Variants in PHLPP1 observed in about 807,000 individuals in gnomAD.
The protein encoded by PHLPP1 is PH domain and leucine rich repeat protein phosphatase 1, also known as PH domain leucine-rich repeat-containing protein phosphatase 1.
Under a neutral mutation model 117.2 loss-of-function variants are expected in PHLPP1, and 42 were observed. The observed-to-expected ratio is 0.36, with a 90% CI of 0.28 to 0.46. The LOEUF (loss-of-function observed/expected upper bound fraction) is 0.46. PHLPP1 is among the 20% of genes least tolerant of loss of function. The pLI is 1.00. For missense variants in PHLPP1, 2,084 were observed against 2,241.9 expected (o/e 0.93, Z 1.42); for synonymous variants, 1,042 against 970.7 (o/e 1.07, Z -1.37).
At chr18:62,831,151 G>A (rs2144332418) in intron 2 of PHLPP1, among the ~76,000 whole-genome samples, 1 of 152,042 alleles carries the variant, frequency 6.6e-6, no homozygotes, top group South Asian at 2.1e-4. Flanking sequence ...AGATTACTTG[G>A]GGAAATGTTA....
At chr18:62,842,758 A>G (rs1915086040) in intron 3 of PHLPP1, among the ~76,000 whole-genome samples, 1 of 152,220 alleles carries the variant, frequency 6.6e-6, no homozygotes, top group African/African-American at 2.4e-5. Flanking sequence ...ACAGTTGGTG[A>G]ATTAAGGACA....
intron 4 of PHLPP1, among the ~76,000 whole-genome samples, chr18:62,893,643 G>T (rs377440042): frequency 6.6e-6 from 1 of 152,150 alleles, no homozygotes; most frequent in Non-Finnish European, 1.5e-5. Context: ...TAGAGTGTGT[G>T]TGTCTCTTCT....
rs537283352 is a variant in PHLPP1 at position 62,818,360 on chromosome 18, G to A, written c.1577-11675G>A. ...AACCTGGTCAACATGGCGAAACCCC[G>A]TCTCTACTAAAAAATATAAAAATTA... On this transcript the variant is annotated intron_variant, in intron 1 of 16. Coordinates refer to ENST00000262719, the MANE Select transcript of PHLPP1 (RefSeq NM_194449.4). Among the ~76,000 whole-genome samples, 178 of 152,008 alleles carry A rather than the reference G, an allele frequency of 1.2e-3. 1 individual carries two copies. The highest frequency in any genetic ancestry group is 4.1e-3 in the African/African-American group (170 of 41,494).
chr18:62,893,072 C>T (rs1226990577), intron 4 of PHLPP1, among the ~76,000 whole-genome samples: 9 of 149,630 alleles, frequency 6.0e-5, no homozygotes, highest in Admixed American at 1.3e-4. Context: ...GGCAGAGTCT[C>T]GCTCTATCGC....
At chr18:62,830,471 T>C (rs1333662149) in intron 2 of PHLPP1, among the ~76,000 whole-genome samples, 1 of 152,084 alleles carries the variant, frequency 6.6e-6, no homozygotes, top group Non-Finnish European at 1.5e-5. Context: ...TCAAGTGATC[T>C]GCCCACCTCG....
intron 1 of PHLPP1, chr18:62,826,263 C>T (rs1340670749): frequency 9.4e-6 from 4 of 423,988 alleles, no homozygotes; most frequent in Admixed American, 5.2e-5. Context: ...CAATTAAAAT[C>T]CTGAATTCAT....
At chr18:62,961,646 C>T (rs760885462) in intron 13 of PHLPP1, among the ~76,000 whole-genome samples, 42 of 151,998 alleles carry the variant, frequency 2.8e-4, no homozygotes, top group Non-Finnish European at 3.8e-4. Context: ...AAATGGAGTA[C>T]CAGGTCATAT....
At chr18:62,916,776 CAG>C (rs71160886) in intron 9 of PHLPP1, among the ~76,000 whole-genome samples, 10,915 of 69,596 alleles carry the variant, frequency 0.16, 610 homozygotes, top group Middle Eastern at 0.25. Flanking sequence ...TTTTTTGAGA[CAG>C]AGTCTCAGTC....
chr18:62,974,726 G>T (rs1267775417), intron 15 of PHLPP1, among the ~76,000 whole-genome samples: 2 of 152,182 alleles, frequency 1.3e-5, no homozygotes, highest in African/African-American at 2.4e-5. Flanking sequence ...TGGTAGGTCT[G>T]TGGATTCTCA....
intron 3 of PHLPP1, among the ~76,000 whole-genome samples, chr18:62,849,813 A>AT (rs1915280581): frequency 1.3e-5 from 1 of 78,526 alleles, no homozygotes; most frequent in Non-Finnish European, 2.6e-5. Flanking sequence ...AAAAAAAAAA[A>AT]AAAAAAAAAA....
chr18:62,717,905 A>T (rs187335810), intron 1 of PHLPP1, among the ~76,000 whole-genome samples: 277 of 152,300 alleles, frequency 1.8e-3, no homozygotes, highest in African/African-American at 6.5e-3. Flanking sequence ...ATAAAAAAAA[A>T]GATTTTGCCT....
intron 1 of PHLPP1, among the ~76,000 whole-genome samples, chr18:62,815,624 T>TAG (rs969598349): frequency 1.2e-4 from 19 of 152,236 alleles, no homozygotes; most frequent in Non-Finnish European, 1.9e-4. Context: ...GGAGTGATCC[T>TAG]AGAGAGAGAG....
Position 62,917,636 on chromosome 18 carries a change from C to T in PHLPP1, c.2805-2323C>T, listed in dbSNP as rs541468096. 3.3e-5 allele frequency among the ~76,000 whole-genome samples: 5 copies of T among 151,074 alleles called. No homozygotes were observed. The East Asian group carries it at 9.8e-4, about 30-fold the overall frequency. ...TTCAAGACCAGCCTGGGCAACACTGCAAGAACCTATCTCTGCAAAAAATAA... is the reference window on the plus strand; with the variant it reads ...TTCAAGACCAGCCTGGGCAACACTGTAAGAACCTATCTCTGCAAAAAATAA... On this transcript the variant is annotated intron_variant, in intron 9 of 16. Transcript: ENST00000262719.
intron 3 of PHLPP1, among the ~76,000 whole-genome samples, chr18:62,840,924 G>C (rs1283755702): frequency 6.6e-6 from 1 of 152,206 alleles, no homozygotes; most frequent in African/African-American, 2.4e-5. Context: ...GAGCCTTGCT[G>C]TGTCATCCAG....
In PHLPP1 at chr18:62,851,151, C is replaced by T. The variant is rs111435188; in HGVS notation, c.1900-9284C>T. On this transcript the variant is annotated intron_variant, in intron 3 of 16. Transcript: ENST00000262719. ...TTCATTCAGGTTAGCTTGATGGCCC[C>T]GCGCATGCTGCCTCCTCATCCCCAT... Among the ~76,000 whole-genome samples the T allele has an allele frequency of 2.8e-3, 428 of 152,274 alleles. 2 individuals are homozygous for T. Among genetic ancestry groups the T allele is most frequent in the Admixed American group, 5.0e-3 (76 of 15,290 alleles).
chr18:62,734,155 A>G (rs1024764875), intron 1 of PHLPP1, among the ~76,000 whole-genome samples: 7 of 152,000 alleles, frequency 4.6e-5, no homozygotes, highest in Admixed American at 6.5e-5. Flanking sequence ...TTATTTTTCT[A>G]TGGATTTATG....
chr18:62,849,378 C>T (rs974522112), intron 3 of PHLPP1, among the ~76,000 whole-genome samples: 1 of 151,808 alleles, frequency 6.6e-6, no homozygotes, highest in Non-Finnish European at 1.5e-5. Flanking sequence ...ATCTACCAGG[C>T]GGCCAGACAC....
intron 1 of PHLPP1, among the ~76,000 whole-genome samples, chr18:62,781,250 G>A (rs1023065138): frequency 1.3e-5 from 2 of 152,104 alleles, no homozygotes; most frequent in Non-Finnish European, 2.9e-5. Flanking sequence ...AATAATTGAT[G>A]GTCTTAGAAA....
intron 3 of PHLPP1, among the ~76,000 whole-genome samples, chr18:62,846,266 C>G (rs1235708254): frequency 6.9e-6 from 1 of 145,126 alleles, no homozygotes; most frequent in Non-Finnish European, 1.5e-5. Context: ...GTCTGAATGA[C>G]ATGAATCCTG....
Sources: allele counts gnomAD v4.1 joint callset (sites outside exome capture counted in the v4.1 genomes callset), GRCh38; gene constraint gnomAD v4.1.1; transcripts MANE v1.5; gene names NCBI Gene and HGNC (gene_info 2026-07-23, HGNC 2026-07-21).